The following KCNT2 variants were observed in gnomAD, a reference collection of about 807,000 sequenced individuals.
KCNT2 encodes potassium sodium-activated channel subfamily T member 2, also known as potassium channel subfamily T member 2.
Under a neutral mutation model 153.8 loss-of-function variants are expected in KCNT2, and 67 were observed. The ratio of observed to expected loss-of-function variants is 0.44; its 90% confidence interval spans 0.36 to 0.53. The LOEUF is 0.53. KCNT2 is among the 20% of genes least tolerant of loss of function. The pLI, the probability that KCNT2 is intolerant of heterozygous loss-of-function variation, is 0.00. For synonymous variants in KCNT2, 500 were observed against 458.8 expected (o/e 1.09, Z -1.15); for missense variants, 975 against 1,354.8 (o/e 0.72, Z 4.40).
At chr1:196,308,811 TA>T (rs1661879062) in intron 21 of KCNT2, among the ~76,000 whole-genome samples, 1 of 151,980 alleles carries the variant, frequency 6.6e-6, no homozygotes, top group African/African-American at 2.4e-5. Flanking sequence ...ATGATCCAAA[TA>T]AAATAAATTA....
intron 1 of KCNT2, among the ~76,000 whole-genome samples, chr1:196,537,940 T>C (rs940497113): frequency 2.0e-5 from 3 of 152,128 alleles, no homozygotes; most frequent in African/African-American, 7.2e-5. Flanking sequence ...TTTTCCAAGT[T>C]CTGTAGCTGG....
intron 1 of KCNT2, among the ~76,000 whole-genome samples, chr1:196,564,418 A>C (rs1659826070): frequency 6.6e-6 from 1 of 151,906 alleles, no homozygotes; most frequent in Non-Finnish European, 1.5e-5. Context: ...TAAAATGTCC[A>C]CACTACCCAG....
intron 4 of KCNT2, among the ~76,000 whole-genome samples, chr1:196,481,699 A>T (rs1232081986): frequency 1.3e-5 from 2 of 152,328 alleles, no homozygotes; most frequent in South Asian, 2.1e-4. Context: ...TGGGCATGAA[A>T]TTCAGTAGGA....
At position 196,286,291 on chromosome 1, in the gene KCNT2, C is replaced by T. The variant is rs77134703; in HGVS notation, c.2596-533G>A. Among the ~76,000 whole-genome samples the T allele has an allele frequency of 3.7e-3, 564 of 152,112 alleles. 3 individuals carry two copies. Among genetic ancestry groups the T allele is most frequent in the African/African-American group, 0.013 (527 of 41,504 alleles). On this transcript the variant is annotated intron_variant, in intron 22 of 27. Transcript: ENST00000294725. ...GTGATTAGTTCATGGAGGTGGAACCCTCATGAATGCAATTGCCTTTTTAAA... is the reference window on the plus strand; with the variant it reads ...GTGATTAGTTCATGGAGGTGGAACCTTCATGAATGCAATTGCCTTTTTAAA...
chr1:196,371,838 A>G (rs1225058641), intron 14 of KCNT2, among the ~76,000 whole-genome samples: 2 of 152,096 alleles, frequency 1.3e-5, no homozygotes, highest in African/African-American at 2.4e-5. Flanking sequence ...GAGCTGTGTT[A>G]TATAGTGTTT....
At chr1:196,269,056 G>A (rs1657817632) in intron 25 of KCNT2, among the ~76,000 whole-genome samples, 1 of 152,000 alleles carries the variant, frequency 6.6e-6, no homozygotes, top group Non-Finnish European at 1.5e-5. Context: ...GAAATCAAAG[G>A]CGTACAATCA....
At chr1:196,484,992 G>T (rs1420530411) in intron 3 of KCNT2, among the ~76,000 whole-genome samples, 1 of 151,966 alleles carries the variant, frequency 6.6e-6, no homozygotes, top group Non-Finnish European at 1.5e-5. Flanking sequence ...AAAGACACAA[G>T]CACACTTATA....
chr1:196,585,126 A>G lies in KCNT2; in HGVS notation c.95+23089T>C, dbSNP rs538581155. 3.3e-5 allele frequency among the ~76,000 whole-genome samples: 5 copies of G among 152,274 alleles called. No individual in the cohort carries two copies. The South Asian group carries it at 1.0e-3, about 32-fold the overall frequency. On this transcript the variant is annotated intron_variant, in intron 1 of 27. Coordinates refer to ENST00000294725, the MANE Select transcript of KCNT2 (RefSeq NM_198503.5). ...TGGAGTCTAGTTGGAGAAACTGCAGATATTTAAAAAATGACAACTCAAGGG... is the reference window on the plus strand; with the variant it reads ...TGGAGTCTAGTTGGAGAAACTGCAGGTATTTAAAAAATGACAACTCAAGGG...
At chr1:196,519,864 T>A (rs1337465113) in intron 1 of KCNT2, among the ~76,000 whole-genome samples, 1 of 152,070 alleles carries the variant, frequency 6.6e-6, no homozygotes, top group Non-Finnish European at 1.5e-5. Flanking sequence ...TTCTACCAGA[T>A]GTACAAGGAA....
chr1:196,500,135 CT>C (rs1680557264), intron 1 of KCNT2, among the ~76,000 whole-genome samples: 1 of 144,240 alleles, frequency 6.9e-6, no homozygotes, highest in African/African-American at 2.6e-5. Context: ...TAGAGTGAGA[CT>C]CCATCAAAAA....
At chr1:196,370,689 A>G (rs1003365597) in intron 14 of KCNT2, among the ~76,000 whole-genome samples, 2 of 152,178 alleles carry the variant, frequency 1.3e-5, no homozygotes, top group African/African-American at 4.8e-5. Context: ...CATACGACCC[A>G]GCAATTCTAC....
intron 3 of KCNT2, 73 bp from the exon 4 acceptor site, chr1:196,482,452 G>T (rs1025278007): frequency 1.5e-5 from 12 of 790,504 alleles, no homozygotes; most frequent in Non-Finnish European, 2.2e-5. Context: ...TTCAGTTAAA[G>T]TTGGAAATAT....
At chr1:196,380,542 A>G (rs1277736085) in intron 13 of KCNT2, among the ~76,000 whole-genome samples, 1 of 152,204 alleles carries the variant, frequency 6.6e-6, no homozygotes, top group Non-Finnish European at 1.5e-5. Context: ...GGAAAACAGT[A>G]AATAGTGGAA....
intron 22 of KCNT2, among the ~76,000 whole-genome samples, chr1:196,293,788 C>T (rs1660415194): frequency 6.6e-6 from 1 of 150,730 alleles, no homozygotes. Flanking sequence ...GTCTAGGAAC[C>T]CAAAAGCACA....
intron 1 of KCNT2, among the ~76,000 whole-genome samples, chr1:196,606,423 A>G (rs114851206): frequency 0.059 from 9,013 of 152,284 alleles, 401 homozygotes; most frequent in Non-Finnish European, 0.088. Flanking sequence ...TGTTTTAAAT[A>G]TTTAATAACT....
At chr1:196,459,688 C>A (rs893294820) in intron 8 of KCNT2, among the ~76,000 whole-genome samples, 4 of 151,770 alleles carry the variant, frequency 2.6e-5, no homozygotes, top group African/African-American at 9.7e-5. Context: ...ACATCCTGAA[C>A]CAAAAGACTG....
chr1:196,315,892 C>T lies in KCNT2; in HGVS notation c.2483G>A (p.Arg828Lys), dbSNP rs780711363. 1.9e-6 allele frequency: 3 copies of T among 1,603,210 alleles called. No homozygotes were observed. In the Admixed American group the frequency reaches 5.1e-5, roughly 27 times the overall value. ...AAGGTTGGATGATTCAGCCACTTAC[C>T]TGAAGAGTGTCTGCACGTTCACAAT... is the stretch of plus-strand genomic sequence containing the variant. Reference protein sequence around the residue: ...KTIVNVQTLFRLFSSLSIITE... With the variant: ...KTIVNVQTLFKLFSSLSIITE... The change falls in exon 21 of 28, where the codon AGG becomes AAG. Residue 828 changes from arginine to lysine, a missense_variant and splice_region_variant. This residue lies in a region of KCNT2 where 66 missense variants were observed against 147.9 expected (regional missense o/e 0.45). Transcript: ENST00000294725.
chr1:196,572,428 A>C (rs1051068796), intron 1 of KCNT2, among the ~76,000 whole-genome samples: 2 of 152,130 alleles, frequency 1.3e-5, no homozygotes, highest in Non-Finnish European at 2.9e-5. Flanking sequence ...ACACACAAAA[A>C]GGAAACTTAG....
At position 196,448,042 on chromosome 1, in the gene KCNT2, G is replaced by A. The variant is rs142114604; in HGVS notation, c.638+17251C>T. Among the ~76,000 whole-genome samples the A allele has an allele frequency of 4.0e-4, 60 of 151,662 alleles. No homozygotes were observed. The East Asian group carries it at 0.011, about 28-fold the overall frequency. The stretch of plus-strand genomic sequence containing the variant: ...TCTCCTAGGATAAAGTTGAATCTTG[G>A]AAAACACCATAATTTTCACCACAAC... On this transcript the variant is annotated intron_variant, in intron 8 of 27. Coordinates refer to ENST00000294725, the MANE Select transcript of KCNT2 (RefSeq NM_198503.5).
Sources: gnomAD v4.1 joint callset for allele counts (sites outside exome capture counted in the v4.1 genomes callset) on GRCh38, gnomAD v4.1.1 for gene constraint, gnomAD v4.1.1 regional missense constraint, MANE v1.5 for transcripts, NCBI Gene and HGNC (gene_info 2026-07-23, HGNC 2026-07-21) for gene names.